The following CST7 variants were observed in gnomAD, a reference collection of about 807,000 sequenced individuals.
CST7 encodes the protein cystatin F.
A neutral mutation model predicts 13.1 loss-of-function variants in CST7; 15 were observed. The observed-to-expected ratio is 1.14, with a 90% CI of 0.77 to 1.76. The LOEUF (loss-of-function observed/expected upper bound fraction) is 1.76, where lower values mean the gene tolerates loss of function less well. CST7 is among the 40% of genes most tolerant of loss of function. The probability of loss-of-function intolerance (pLI) is 0.00; values close to 1 mark genes in which losing one functional copy is unlikely to be tolerated. For missense variants in CST7, 193 were observed against 178.8 expected, an observed-to-expected ratio of 1.08 and a Z score of -0.45; for synonymous variants, 75 against 66.9, an observed-to-expected ratio of 1.12 and a Z score of -0.59.
In CST7 at chr20:24,955,739, TAA is replaced by T. The variant is rs1050486270; in HGVS notation, c.71-1546_71-1545del. On this transcript the variant is annotated intron_variant, in intron 1 of 3. Coordinates refer to ENST00000480798, the MANE Select transcript of CST7 (RefSeq NM_003650.4). ...GCTGGGATTACAGACGTGAGCCACC[TAA>T]AGTCTTCTTAAGCAAAGGCTGCAGC... Among the ~76,000 whole-genome samples, 8 of 152,214 alleles carry T rather than the reference TAA, an allele frequency of 5.3e-5. No homozygotes were observed. The Middle Eastern group carries it at 0.017, about 324-fold the overall frequency.
intron 1 of CST7, among the ~76,000 whole-genome samples, chr20:24,954,229 C>G (rs2087839361): frequency 6.6e-6 from 1 of 152,216 alleles, no homozygotes; most frequent in Non-Finnish European, 1.5e-5. Context: ...ACCCTGCACT[C>G]CAAGCTCTTG....
rs113146360 is a variant in CST7, at chr20:24,951,048, C to T, written c.70+1473C>T. On this transcript the variant is annotated intron_variant, in intron 1 of 3. Coordinates refer to ENST00000480798, the MANE Select transcript of CST7 (RefSeq NM_003650.4). ...GGACTATAACAGGGTGGCGTGGGAG[C>T]CGATGTGCTGGGCAGCTGGCAACGT... Among the ~76,000 whole-genome samples, 931 of 152,298 alleles carry T rather than the reference C, an allele frequency of 6.1e-3. 15 individuals are homozygous for T. The highest frequency in any genetic ancestry group is 0.022 in the African/African-American group (907 of 41,554).
rs572024733 is a variant in CST7, at chr20:24,952,571, C to T, written c.70+2996C>T. The stretch of plus-strand genomic sequence containing the variant: ...CGTCTCCAGGTGGGCAGAGTGAACA[C>T]CAGCACCTCTAAGCTGGACTTGCAC... On this transcript the variant is annotated intron_variant, in intron 1 of 3. Coordinates refer to ENST00000480798, the MANE Select transcript of CST7 (RefSeq NM_003650.4). Among the ~76,000 whole-genome samples, 294 of 152,306 alleles carry T rather than the reference C, an allele frequency of 1.9e-3. 1 individual carries two copies. The highest frequency in any genetic ancestry group is 6.5e-3 in the African/African-American group (272 of 41,570).
intron 1 of CST7, among the ~76,000 whole-genome samples, chr20:24,954,532 T>C (rs895167022): frequency 2.0e-5 from 3 of 152,240 alleles, no homozygotes; most frequent in Non-Finnish European, 2.9e-5. Context: ...CTTGTTAATT[T>C]CTCTAAACAA....
intron 1 of CST7, among the ~76,000 whole-genome samples, chr20:24,951,891 G>A (rs1417479939): frequency 6.6e-6 from 1 of 152,216 alleles, no homozygotes; most frequent in African/African-American, 2.4e-5. Flanking sequence ...GTCATCCTCT[G>A]CCCCCTCCAC....
intron 1 of CST7, among the ~76,000 whole-genome samples, chr20:24,953,248 C>T (rs2087831787): frequency 6.6e-6 from 1 of 152,174 alleles, no homozygotes; most frequent in Non-Finnish European, 1.5e-5. Context: ...CGCAGGATCA[C>T]CAGACAAGGA....
intron 1 of CST7, among the ~76,000 whole-genome samples, chr20:24,956,148 T>TG (rs1159237374): frequency 5.3e-5 from 8 of 152,278 alleles, no homozygotes; most frequent in Admixed American, 1.3e-4. Flanking sequence ...CCACCCAGCC[T>TG]GGGGGTGCCA....
In CST7 at chr20:24,953,211, G is replaced by A. The variant is rs141964875; in HGVS notation, c.70+3636G>A. ...ACAGCCAGTAGATGCTCAGAAACACGGGGCTGCAGCAGAAAAGCAGGGTGA... is the reference window on the plus strand; with the variant it reads ...ACAGCCAGTAGATGCTCAGAAACACAGGGCTGCAGCAGAAAAGCAGGGTGA... On this transcript the variant is annotated intron_variant, in intron 1 of 3. Coordinates refer to ENST00000480798, the MANE Select transcript of CST7 (RefSeq NM_003650.4). Among the ~76,000 whole-genome samples, 822 of 152,298 alleles carry A rather than the reference G, an allele frequency of 5.4e-3. 6 individuals carry two copies. Among genetic ancestry groups the A allele is most frequent in the African/African-American group, 0.018 (765 of 41,560 alleles).
chr20:24,957,590 C>A, intron 2 of CST7, 131 bp downstream of exon 2: 2 of 906,972 alleles, frequency 2.2e-6, no homozygotes, highest in Non-Finnish European at 3.4e-6. Flanking sequence ...GAGCAGAAAG[C>A]AGATGCACAA....
At chr20:24,952,393 C>T (rs1020426930) in intron 1 of CST7, among the ~76,000 whole-genome samples, 1 of 152,166 alleles carries the variant, frequency 6.6e-6, no homozygotes, top group Non-Finnish European at 1.5e-5. Context: ...GCTCAGTGTC[C>T]TGTCTGTGCC....
Position 24,959,819 on chromosome 20 carries a change from CTG to C in CST7, c.*108_*109del. ...CAGCCTCACAGACCCTCTCAGGCCT[CTG>C]ACGAGTGAGCGGGTGAAGTGCCACT... On this transcript the variant is annotated 3_prime_UTR_variant, in exon 4 of 4. Coordinates refer to ENST00000480798, the MANE Select transcript of CST7 (RefSeq NM_003650.4). 3 of 1,145,284 alleles carry C rather than the reference CTG, an allele frequency of 2.6e-6. No homozygotes were observed. The South Asian group carries it at 3.8e-5, about 14-fold the overall frequency. The allele number at this position is 1,145,284 out of a possible 1,614,324, so 70.9% of individuals were successfully genotyped here. A position where few individuals can be genotyped will look rare whatever the true frequency, so the allele number is the denominator to read the frequency against.
chr20:24,958,662 G>C (rs931477925), intron 2 of CST7, among the ~76,000 whole-genome samples: 3 of 152,166 alleles, frequency 2.0e-5, no homozygotes, highest in African/African-American at 4.8e-5. Flanking sequence ...AGGAGACCTA[G>C]TGTGACGTCC....
At chr20:24,952,990 C>T (rs1032857576) in intron 1 of CST7, among the ~76,000 whole-genome samples, 53 of 152,300 alleles carry the variant, frequency 3.5e-4, no homozygotes, top group African/African-American at 1.3e-3. Flanking sequence ...TGGCTTAGTG[C>T]CAGCTCTGCC....
At chr20:24,950,082 A>C (rs6114953) in intron 1 of CST7, among the ~76,000 whole-genome samples, 13,675 of 152,232 alleles carry the variant, frequency 0.09, 695 homozygotes, top group Middle Eastern at 0.12. Context: ...CAGGGAGGAA[A>C]GAGCCACTGC....
At chr20:24,950,165 T>C (rs227654) in intron 1 of CST7, among the ~76,000 whole-genome samples, 112,190 of 152,148 alleles carry the variant, frequency 0.74, 41,701 homozygotes, top group East Asian at 0.99. Context: ...GACAACCTGC[T>C]CTCCCCCAAA....
intron 2 of CST7, 72 bp from the exon 3 acceptor site, chr20:24,958,856 C>A: frequency 9.0e-7 from 1 of 1,115,464 alleles, no homozygotes; most frequent in Non-Finnish European, 1.4e-6. Flanking sequence ...TGTCTTGAGG[C>A]CCTGCTTCCT....
At chr20:24,958,658 C>T (rs1184795609) in intron 2 of CST7, among the ~76,000 whole-genome samples, 2 of 152,116 alleles carry the variant, frequency 1.3e-5, no homozygotes, top group Non-Finnish European at 2.9e-5. Flanking sequence ...ATGCAGGAGA[C>T]CTAGTGTGAC....
chr20:24,957,489 C>T (rs747195630), intron 2 of CST7, 30 bp downstream of exon 2: 8 of 1,606,410 alleles, frequency 5.0e-6, no homozygotes, highest in Admixed American at 3.4e-5. Flanking sequence ...TCACATATCA[C>T]GGACACCCCT....
rs914978972 is a variant in CST7 at position 24,959,823 on chromosome 20, C to T, written c.*111C>T. On this transcript the variant is annotated 3_prime_UTR_variant, in exon 4 of 4. Transcript: ENST00000480798. Reference sequence around the variant, plus strand: ...CTCACAGACCCTCTCAGGCCTCTGACGAGTGAGCGGGTGAAGTGCCACTGG... The same window carrying T: ...CTCACAGACCCTCTCAGGCCTCTGATGAGTGAGCGGGTGAAGTGCCACTGG... 10 of 1,105,126 alleles carry T rather than the reference C, an allele frequency of 9.0e-6. No individual in the cohort carries two copies. Among genetic ancestry groups the T allele is most frequent in the Non-Finnish European group, 6.9e-6 (5 of 728,002 alleles). The allele number at this position is 1,105,126 out of a possible 1,614,324, so 68.5% of individuals were successfully genotyped here.
Sources: gnomAD v4.1 joint callset for allele counts (sites outside exome capture counted in the v4.1 genomes callset) on GRCh38, gnomAD v4.1.1 for gene constraint, MANE v1.5 for transcripts, NCBI Gene and HGNC (gene_info 2026-07-23, HGNC 2026-07-21) for gene names.